The following ZNF469 variants were observed in gnomAD, a reference collection of about 807,000 sequenced individuals.
ZNF469 encodes the protein zinc finger protein 469.
ZNF469 carries 1 observed loss-of-function variant against 1.0 expected under a neutral mutation model. The observed-to-expected ratio is 1.00, with a 90% CI of 0.35 to 4.73. The LOEUF is 4.73. Ranked by LOEUF, ZNF469 falls within the 30% of genes most tolerant of loss-of-function variation. The pLI is 0.16. For missense variants in ZNF469, 6,100 were observed against 5,356.3 expected (o/e 1.14, Z -4.33); for synonymous variants, 2,703 against 2,363.4 (o/e 1.14, Z -4.17).
At position 88,431,858 on chromosome 16, in the gene ZNF469, G is replaced by A. The variant is rs1336027314; in HGVS notation, c.4388G>A (p.Arg1463Lys). 6.5e-7 allele frequency: 1 copy of A among 1,550,106 alleles called. No individual in the cohort carries two copies. Among genetic ancestry groups the A allele is most frequent in the Non-Finnish European group, 8.7e-7 (1 of 1,146,926 alleles). ...SSLFPDLPVD[R>K]FDPPLYGSLS... The stretch of plus-strand genomic sequence containing the variant: ...CTCTTCCCAGACCTGCCGGTGGACA[G>A]ATTCGACCCACCCCTCTATGGCAGC... Residue 1463 changes from arginine (R) to lysine (K), a missense_variant, in exon 3 of 3, where the codon AGA becomes AAA. Transcript: ENST00000565624.
the ZNF469 span, among the ~76,000 whole-genome samples, chr16:88,357,117 G>C: frequency 6.6e-6 from 1 of 152,242 alleles, no homozygotes; most frequent in African/African-American, 2.4e-5. Flanking sequence ...CCCTTGGCTG[G>C]AGGGGTTGGA....
intron 1 of ZNF469, among the ~76,000 whole-genome samples, chr16:88,395,250 G>T (rs1904623433): frequency 2.2e-5 from 1 of 46,018 alleles, no homozygotes; most frequent in African/African-American, 8.9e-5. Context: ...TGGATGGATG[G>T]ATGGATGGAT....
chr16:88,283,296 A>G, the ZNF469 span, among the ~76,000 whole-genome samples: 1 of 142,250 alleles, frequency 7.0e-6, no homozygotes, highest in East Asian at 2.0e-4. Context: ...CATTTTAACT[A>G]AAAAAAAAAA....
the ZNF469 span, among the ~76,000 whole-genome samples, chr16:88,307,054 C>G: frequency 6.6e-6 from 1 of 152,222 alleles, no homozygotes; most frequent in Non-Finnish European, 1.5e-5. Context: ...CTTCCTGCCT[C>G]CAAGGTTTCC....
chr16:88,397,709 G>A lies in ZNF469; in HGVS notation c.-192+14455G>A, dbSNP rs1040906847. On this transcript the variant is annotated intron_variant, in intron 1 of 2. Transcript: ENST00000565624. ...GTGATAGAGACACATAGATATATACGCGAGGAAAGAGAGAGAGAGAGATTC... is the reference window on the plus strand; with the variant it reads ...GTGATAGAGACACATAGATATATACACGAGGAAAGAGAGAGAGAGAGATTC... 5.4e-5 allele frequency among the ~76,000 whole-genome samples: 7 copies of A among 129,838 alleles called. No individual in the cohort carries two copies. In the South Asian group the frequency reaches 6.8e-4, roughly 13 times the overall value. 85.2% of individuals were successfully genotyped at this position (129,838 alleles called of 152,430 possible).
the ZNF469 span, among the ~76,000 whole-genome samples, chr16:88,243,515 T>C: frequency 6.6e-6 from 1 of 152,208 alleles, no homozygotes; most frequent in Admixed American, 6.5e-5. Flanking sequence ...TCCCCAAGAC[T>C]GCATTTCTCA....
chr16:88,135,471 G>A, the ZNF469 span, among the ~76,000 whole-genome samples: 2 of 152,236 alleles, frequency 1.3e-5, no homozygotes, highest in African/African-American at 2.4e-5. Context: ...GTGCCAGCCC[G>A]TGGCTGCTTC....
chr16:88,378,317 C>T (rs923586248), upstream of ZNF469, among the ~76,000 whole-genome samples: 1 of 152,244 alleles, frequency 6.6e-6, no homozygotes, highest in Non-Finnish European at 1.5e-5. Context: ...TGAGGGTCTA[C>T]TCAGCAAAGT....
At chr16:88,112,840 C>T in the ZNF469 span, among the ~76,000 whole-genome samples, 71,552 of 140,474 alleles carry the variant, frequency 0.51, 18,310 homozygotes, top group Middle Eastern at 0.67. Flanking sequence ...TGCAGTGGCA[C>T]GATCTCAGCT....
the ZNF469 span, among the ~76,000 whole-genome samples, chr16:88,205,707 T>A: frequency 1.3e-5 from 2 of 152,150 alleles, no homozygotes; most frequent in Admixed American, 1.3e-4. The surrounding 1 kb of genome is among the most constrained non-coding windows in gnomAD (Gnocchi z 4.2). Context: ...CTGTCCCTGG[T>A]GTAGTGACGA....
chr16:88,196,672 C>T, the ZNF469 span, among the ~76,000 whole-genome samples: 1 of 152,224 alleles, frequency 6.6e-6, no homozygotes, highest in Non-Finnish European at 1.5e-5. Flanking sequence ...TGACAGGCCC[C>T]TTGCTCTGCC....
the ZNF469 span, among the ~76,000 whole-genome samples, chr16:88,299,395 G>A: frequency 6.6e-6 from 1 of 152,146 alleles, no homozygotes; most frequent in East Asian, 1.9e-4. Flanking sequence ...AGAGGGCTTC[G>A]GAGAGGCCGG....
At chr16:88,329,855 G>C in the ZNF469 span, among the ~76,000 whole-genome samples, 1 of 152,228 alleles carries the variant, frequency 6.6e-6, no homozygotes, top group Non-Finnish European at 1.5e-5. Flanking sequence ...ACCCACCAGA[G>C]CAGAGATGGC....
chr16:88,418,408 C>T (rs1356083822), intron 1 of ZNF469, among the ~76,000 whole-genome samples: 1 of 152,002 alleles, frequency 6.6e-6, no homozygotes, highest in Non-Finnish European at 1.5e-5. Flanking sequence ...TGGGTAATGA[C>T]CCCCTGAATA....
At chr16:88,187,085 G>A in the ZNF469 span, among the ~76,000 whole-genome samples, 1 of 152,260 alleles carries the variant, frequency 6.6e-6, no homozygotes, top group South Asian at 2.1e-4. Flanking sequence ...CCTCTGGAAG[G>A]CAGGGCTGGT....
the ZNF469 span, among the ~76,000 whole-genome samples, chr16:88,374,040 G>A: frequency 6.6e-6 from 1 of 151,886 alleles, no homozygotes; most frequent in African/African-American, 2.4e-5. Context: ...TCAGAGATAT[G>A]AGCCATTCCA....
intron 1 of ZNF469, among the ~76,000 whole-genome samples, chr16:88,391,971 CATA>C (rs761367124): frequency 1.3e-5 from 2 of 152,164 alleles, no homozygotes; most frequent in Non-Finnish European, 2.9e-5. Context: ...TCATATAACA[CATA>C]ACATGATACG....
At chr16:88,267,417 A>T in the ZNF469 span, among the ~76,000 whole-genome samples, 3 of 152,346 alleles carry the variant, frequency 2.0e-5, no homozygotes, top group Middle Eastern at 3.4e-3. Context: ...CCCTGGACAC[A>T]GAAGTGCTGT....
the ZNF469 span, among the ~76,000 whole-genome samples, chr16:88,229,571 T>TGATGCCACGCG: frequency 5.1e-5 from 7 of 136,354 alleles, no homozygotes; most frequent in South Asian, 2.2e-4. Flanking sequence ...GATGTCACGC[T>TGATGCCACGCG]TGTGCGCTGA....
Sources: gnomAD v4.1 joint callset for allele counts (sites outside exome capture counted in the v4.1 genomes callset) on GRCh38, gnomAD v4.1.1 for gene constraint, Gnocchi (gnomAD v3.1) non-coding constraint, MANE v1.5 for transcripts, NCBI Gene and HGNC (gene_info 2026-07-23, HGNC 2026-07-21) for gene names.